Variants in RBFOX1 observed in about 807,000 individuals in gnomAD.
RBFOX1 encodes RNA binding fox-1 homolog 1.
A neutral mutation model predicts 57.7 loss-of-function variants in RBFOX1; 8 were observed. The observed-to-expected ratio is 0.14, with a 90% CI of 0.08 to 0.25. The LOEUF (loss-of-function observed/expected upper bound fraction) is 0.25. Among genes scored for constraint, RBFOX1 ranks in the 10% least tolerant of loss-of-function variants. The pLI is 1.00. For synonymous variants in RBFOX1, 326 were observed against 222.4 expected (o/e 1.47, Z -4.15); for missense variants, 611 against 548.5 (o/e 1.11, Z -1.14).
intron 3 of RBFOX1, among the ~76,000 whole-genome samples, chr16:6,834,602 T>C (rs1299711523): frequency 6.6e-6 from 1 of 152,030 alleles, no homozygotes; most frequent in African/African-American, 2.4e-5. Context: ...AACTTGAAGG[T>C]GTTTGTTTGG....
At chr16:7,016,399 G>A (rs2093914581) in intron 3 of RBFOX1, among the ~76,000 whole-genome samples, 1 of 152,150 alleles carries the variant, frequency 6.6e-6, no homozygotes, top group African/African-American at 2.4e-5. Flanking sequence ...CTGAAAACAA[G>A]GCACTGAACT....
intron 4 of RBFOX1, among the ~76,000 whole-genome samples, chr16:7,317,645 A>G (rs1018681571): frequency 6.6e-6 from 1 of 152,188 alleles, no homozygotes; most frequent in Non-Finnish European, 1.5e-5. Context: ...TGAAATGTCC[A>G]CTGAGCAGTA....
intron 3 of RBFOX1, among the ~76,000 whole-genome samples, chr16:5,680,561 C>T (rs190434201): frequency 6.6e-6 from 1 of 152,140 alleles, no homozygotes; most frequent in Non-Finnish European, 1.5e-5. Context: ...AGTCTCTAGA[C>T]TTCAGTAGAC....
intron 4 of RBFOX1, among the ~76,000 whole-genome samples, chr16:7,165,849 A>G (rs1399259062): frequency 1.3e-5 from 2 of 151,606 alleles, no homozygotes; most frequent in Non-Finnish European, 2.9e-5. Context: ...GAGATGGATG[A>G]TATTACTCCT....
At chr16:6,985,989 A>C (rs577265108) in intron 3 of RBFOX1, among the ~76,000 whole-genome samples, 2 of 151,744 alleles carry the variant, frequency 1.3e-5, no homozygotes, top group South Asian at 2.1e-4. Flanking sequence ...GGACGAGAGA[A>C]ATTTTTTTTC....
At position 6,769,355 on chromosome 16, in the gene RBFOX1, A is replaced by T. The variant is rs1389546269; in HGVS notation, c.-16+114705A>T. On this transcript the variant is annotated intron_variant, in intron 3 of 15. Coordinates refer to ENST00000550418, the MANE Select transcript of RBFOX1 (RefSeq NM_018723.4). ...GTCTATTAAAGGTCTTTCTCCCGTAAGTTGCCTAGGCTTGAGTATGTCTTT... is the reference window on the plus strand; with the variant it reads ...GTCTATTAAAGGTCTTTCTCCCGTATGTTGCCTAGGCTTGAGTATGTCTTT... Among the ~76,000 whole-genome samples, 3 of 152,168 alleles carry T rather than the reference A, an allele frequency of 2.0e-5. No homozygotes were observed. The South Asian group carries it at 6.2e-4, about 31-fold the overall frequency.
At chr16:7,400,219 T>C (rs2148762737) in intron 4 of RBFOX1, among the ~76,000 whole-genome samples, 1 of 152,272 alleles carries the variant, frequency 6.6e-6, no homozygotes, top group East Asian at 1.9e-4. Context: ...CCTGGGGTTG[T>C]TAAAATTGCA....
intron 4 of RBFOX1, among the ~76,000 whole-genome samples, chr16:5,871,525 C>T (rs2151903855): frequency 6.6e-6 from 1 of 152,284 alleles, no homozygotes; most frequent in Middle Eastern, 3.4e-3. Flanking sequence ...AAAACGCATA[C>T]ACATTTCCCC....
intron 1 of RBFOX1, among the ~76,000 whole-genome samples, chr16:5,413,629 C>T (rs1053584423): frequency 6.6e-6 from 1 of 152,088 alleles, no homozygotes; most frequent in Non-Finnish European, 1.5e-5. Flanking sequence ...TTTATTCATT[C>T]GTTTAACTCT....
At chr16:6,935,832 C>T (rs935066665) in intron 3 of RBFOX1, among the ~76,000 whole-genome samples, 9 of 152,134 alleles carry the variant, frequency 5.9e-5, no homozygotes, top group East Asian at 3.8e-4. Context: ...AGAGTTTATC[C>T]GGGGCCAGGA....
intron 2 of RBFOX1, among the ~76,000 whole-genome samples, chr16:5,487,082 G>A (rs938894625): frequency 6.6e-6 from 1 of 152,152 alleles, no homozygotes; most frequent in African/African-American, 2.4e-5. Context: ...TCAGGGATCA[G>A]TGTAGGTGTC....
chr16:7,196,726 A>T (rs1488650451), intron 4 of RBFOX1, among the ~76,000 whole-genome samples: 1 of 152,168 alleles, frequency 6.6e-6, no homozygotes, highest in East Asian at 1.9e-4. Context: ...TCATGCTGCA[A>T]AGTGAGTTTT....
intron 3 of RBFOX1, among the ~76,000 whole-genome samples, chr16:5,749,192 C>T (rs573508167): frequency 1.3e-5 from 2 of 152,120 alleles, no homozygotes; most frequent in Admixed American, 6.5e-5. Context: ...TGAATATTGC[C>T]CCCACCCCCT....
At chr16:7,489,120 C>T (rs1434950821) in intron 4 of RBFOX1, among the ~76,000 whole-genome samples, 1 of 152,150 alleles carries the variant, frequency 6.6e-6, no homozygotes, top group African/African-American at 2.4e-5. Context: ...CTCATTCTGT[C>T]CAAATCTCTC....
chr16:6,549,952 G>T (rs2096960697), intron 2 of RBFOX1, among the ~76,000 whole-genome samples: 1 of 152,078 alleles, frequency 6.6e-6, no homozygotes, highest in Non-Finnish European at 1.5e-5. Flanking sequence ...GCTTTCTTTG[G>T]CTGGCTTTGC....
Position 6,521,214 on chromosome 16 carries a change from A to C in RBFOX1, c.-63-133389A>C, listed in dbSNP as rs553086110. On this transcript the variant is annotated intron_variant, in intron 2 of 15. Coordinates refer to ENST00000550418, the MANE Select transcript of RBFOX1 (RefSeq NM_018723.4). ...ATTGCTTAAATTATAGCAAATAGACATTATGACAGGGAAGCCTAGGCTGTG... is the reference window on the plus strand; with the variant it reads ...ATTGCTTAAATTATAGCAAATAGACCTTATGACAGGGAAGCCTAGGCTGTG... 3.3e-5 allele frequency among the ~76,000 whole-genome samples: 5 copies of C among 152,274 alleles called. No individual in the cohort carries two copies. In the East Asian group the frequency reaches 9.7e-4, roughly 30 times the overall value.
At chr16:7,549,232 T>G (rs2085571307) in intron 5 of RBFOX1, among the ~76,000 whole-genome samples, 1 of 152,166 alleles carries the variant, frequency 6.6e-6, no homozygotes, top group South Asian at 2.1e-4. Flanking sequence ...GCCTATGACT[T>G]CACTAGCCCC....
intron 4 of RBFOX1, among the ~76,000 whole-genome samples, chr16:7,423,188 C>A (rs1315519033): frequency 6.6e-6 from 1 of 152,050 alleles, no homozygotes; most frequent in South Asian, 2.1e-4. Flanking sequence ...ATAGACTTGG[C>A]CTTCTTTTAG....
At chr16:5,495,433 C>G (rs950345715) in intron 2 of RBFOX1, among the ~76,000 whole-genome samples, 6 of 152,200 alleles carry the variant, frequency 3.9e-5, no homozygotes, top group Non-Finnish European at 8.8e-5. Context: ...AATATCCAGT[C>G]CCATCATCCA....
Sources: gnomAD v4.1 joint callset for allele counts (sites outside exome capture counted in the v4.1 genomes callset) on GRCh38, gnomAD v4.1.1 for gene constraint, MANE v1.5 for transcripts, NCBI Gene and HGNC (gene_info 2026-07-23, HGNC 2026-07-21) for gene names.